The following WWOX variants were observed in gnomAD, a reference collection of about 807,000 sequenced individuals.
The protein encoded by WWOX is WW domain containing oxidoreductase, also known as WW domain-containing oxidoreductase.
WWOX carries 69 observed loss-of-function variants against 46.2 expected under a neutral mutation model. The ratio of observed to expected loss-of-function variants is 1.49; its 90% confidence interval spans 1.23 to 1.82. WWOX has a LOEUF of 1.82. Among genes scored for constraint, WWOX ranks in the 40% most tolerant of loss-of-function variants. The pLI is 0.00. For missense variants in WWOX, 919 were observed against 542.6 expected (o/e 1.69, Z -6.89); for synonymous variants, 359 against 202.6 (o/e 1.77, Z -6.56).
chr16:78,273,239 C>T (rs1020815828), intron 5 of WWOX, among the ~76,000 whole-genome samples: 1 of 152,126 alleles, frequency 6.6e-6, no homozygotes, highest in African/African-American at 2.4e-5. Context: ...GCCAAACTTC[C>T]TAGCCTCCAC....
At chr16:78,876,226 T>C (rs1055249804) in intron 8 of WWOX, among the ~76,000 whole-genome samples, 5 of 152,178 alleles carry the variant, frequency 3.3e-5, no homozygotes, top group Non-Finnish European at 7.3e-5. Flanking sequence ...TTTTTAATTC[T>C]TCCGCCAGCT....
chr16:78,958,215 C>G (rs1249065894), intron 8 of WWOX, among the ~76,000 whole-genome samples: 1 of 152,286 alleles, frequency 6.6e-6, no homozygotes, highest in African/African-American at 2.4e-5. Context: ...ACACTCAGCT[C>G]CAGCTACTTC....
chr16:78,711,009 T>G (rs576287798), intron 8 of WWOX, among the ~76,000 whole-genome samples: 45 of 152,314 alleles, frequency 3.0e-4, no homozygotes, highest in Non-Finnish European at 5.4e-4. Flanking sequence ...AACTTACATG[T>G]TTGTCAAGGC....
chr16:78,291,697 T>A (rs1163296037), intron 5 of WWOX, among the ~76,000 whole-genome samples: 2 of 152,088 alleles, frequency 1.3e-5, no homozygotes, highest in Non-Finnish European at 2.9e-5. Flanking sequence ...TTATCAAAGT[T>A]ACACAACGGC....
intron 8 of WWOX, chr16:79,205,757 A>G (rs1348770542): frequency 1.3e-5 from 2 of 152,212 alleles, no homozygotes; most frequent in African/African-American, 2.4e-5. Context: ...TGTGGGAGTC[A>G]GTTGTCAGGA....
At chr16:79,040,023 C>T (rs907960777) in intron 8 of WWOX, among the ~76,000 whole-genome samples, 2 of 152,114 alleles carry the variant, frequency 1.3e-5, no homozygotes, top group Non-Finnish European at 2.9e-5. Flanking sequence ...AGTTGTGTGC[C>T]CTTGGGCAAT....
Position 78,117,395 on chromosome 16 carries a change from C to T in WWOX, c.409+2241C>T, listed in dbSNP as rs566230575. 5.3e-5 allele frequency among the ~76,000 whole-genome samples: 8 copies of T among 152,202 alleles called. 1 individual carries two copies. The South Asian group carries it at 1.7e-3, about 32-fold the overall frequency. ...TCACCTCACCCCATTCCCCTCCACTCTTGGGAAGCATACGTCTAGGTGAGT... is the reference window on the plus strand; with the variant it reads ...TCACCTCACCCCATTCCCCTCCACTTTTGGGAAGCATACGTCTAGGTGAGT... On this transcript the variant is annotated intron_variant, in intron 4 of 8. Transcript: ENST00000566780.
chr16:78,924,181 C>T (rs992310302), intron 8 of WWOX, among the ~76,000 whole-genome samples: 4 of 151,994 alleles, frequency 2.6e-5, no homozygotes, highest in Non-Finnish European at 5.9e-5. Context: ...CTGGGTAGAC[C>T]GGGGAAGGTA....
chr16:79,131,260 T>A (rs916281282), intron 8 of WWOX, among the ~76,000 whole-genome samples: 2 of 152,108 alleles, frequency 1.3e-5, no homozygotes, highest in Non-Finnish European at 2.9e-5. Context: ...ACACAAAATA[T>A]TAGAAGCAAA....
In WWOX at chr16:78,115,206, C is replaced by G. The variant is rs749637074; in HGVS notation, c.409+52C>G. On this transcript the variant is annotated intron_variant, in intron 4 of 8. Coordinates refer to ENST00000566780, the MANE Select transcript of WWOX (RefSeq NM_016373.4). The stretch of plus-strand genomic sequence containing the variant: ...TTTGGGACTGCTATAATGAGATCCA[C>G]TTAGATCTAGCTATAATGGAATTTT... 2.5e-6 allele frequency: 4 copies of G among 1,601,862 alleles called. No individual in the cohort carries two copies. The South Asian group carries it at 3.3e-5, about 13-fold the overall frequency.
intron 8 of WWOX, among the ~76,000 whole-genome samples, chr16:78,515,090 G>A (rs1488429550): frequency 6.6e-6 from 1 of 152,126 alleles, no homozygotes; most frequent in Non-Finnish European, 1.5e-5. Flanking sequence ...TGAACCTGGT[G>A]GTTCACGCCT....
intron 8 of WWOX, among the ~76,000 whole-genome samples, chr16:78,473,559 C>CTTATCTGTGAGCAGACAT (rs1567593833): frequency 6.6e-6 from 1 of 152,026 alleles, no homozygotes; most frequent in African/African-American, 2.4e-5. Context: ...TGAGCAGATA[C>CTTATCTGTGAGCAGACAT]ACTTATCTGT....
chr16:78,923,794 G>GTTTTTTTTTTTTTTTTTT (rs56852814), intron 8 of WWOX, among the ~76,000 whole-genome samples: 1 of 102,158 alleles, frequency 9.8e-6, no homozygotes, highest in Admixed American at 1.1e-4. Flanking sequence ...TTTTTAGTTA[G>GTTTTTTTTTTTTTTTTTT]TTTTTTTTTT....
chr16:79,081,969 C>G (rs2048768494), intron 8 of WWOX, among the ~76,000 whole-genome samples: 1 of 152,174 alleles, frequency 6.6e-6, no homozygotes. Flanking sequence ...TGGTTGATAT[C>G]AGATTCATAC....
At chr16:78,264,419 CAA>C (rs1435657344) in intron 5 of WWOX, 1 of 152,036 alleles carries the variant, frequency 6.6e-6, no homozygotes, top group African/African-American at 2.4e-5. Context: ...TCTTTTTAAA[CAA>C]AATATCCTAA....
chr16:78,895,308 A>G (rs1413972314), intron 8 of WWOX: 1 of 152,170 alleles, frequency 6.6e-6, no homozygotes, highest in African/African-American at 2.4e-5. Context: ...CATTAAGAAA[A>G]TAACTTAAGT....
chr16:78,543,554 G>T (rs772581296), intron 8 of WWOX, among the ~76,000 whole-genome samples: 3 of 152,160 alleles, frequency 2.0e-5, no homozygotes, highest in Admixed American at 6.5e-5. Flanking sequence ...TTTCAACACT[G>T]GCCAAATTCT....
At chr16:79,137,066 A>AGCTACGAC (rs2049995951) in intron 8 of WWOX, among the ~76,000 whole-genome samples, 1 of 152,184 alleles carries the variant, frequency 6.6e-6, no homozygotes, top group African/African-American at 2.4e-5. Context: ...GTAGCCCTCC[A>AGCTACGAC]TCTGCCAGCT....
intron 8 of WWOX, among the ~76,000 whole-genome samples, chr16:78,750,756 G>GT: frequency 6.6e-6 from 1 of 152,260 alleles, no homozygotes; most frequent in African/African-American, 2.4e-5. Flanking sequence ...TTGGTTTTCT[G>GT]TTTCTGCATT....
Sources: allele counts gnomAD v4.1 joint callset (sites outside exome capture counted in the v4.1 genomes callset), GRCh38; gene constraint gnomAD v4.1.1; transcripts MANE v1.5; gene names NCBI Gene and HGNC (gene_info 2026-07-23, HGNC 2026-07-21).